CCBE1: variants seen among roughly 807,000 people sequenced by gnomAD.
CCBE1 encodes collagen and calcium-binding EGF domain-containing protein 1.
CCBE1 carries 37 observed loss-of-function variants against 50.0 expected under a neutral mutation model. That is an observed-to-expected ratio of 0.74 (90% CI 0.57 to 0.97). CCBE1 has a LOEUF of 0.97. Among genes scored for constraint, CCBE1 ranks in the 50% least tolerant of loss-of-function variants. The pLI is 0.00. For synonymous variants in CCBE1, 234 were observed against 203.7 expected, an observed-to-expected ratio of 1.15 and a Z score of -1.27; for missense variants, 538 against 523.8, an observed-to-expected ratio of 1.03 and a Z score of -0.26.
At chr18:59,614,972 A>T (rs935508513) in intron 2 of CCBE1, among the ~76,000 whole-genome samples, 1 of 152,274 alleles carries the variant, frequency 6.6e-6, no homozygotes, top group Non-Finnish European at 1.5e-5. Context: ...TGTTCAAGCC[A>T]GAAATTCTGA....
intron 2 of CCBE1, among the ~76,000 whole-genome samples, chr18:59,560,096 G>A (rs1330363351): frequency 6.6e-6 from 1 of 152,238 alleles, no homozygotes; most frequent in African/African-American, 2.4e-5. Context: ...TCTTGCCTGG[G>A]AGTTGGGATG....
Position 59,435,853 on chromosome 18 carries a change from T to C in CCBE1, c.*55A>G. ...TGGTCTTTCTTCTCTTTAGATGGTT[T>C]AACTGCAGGTGAGTTGATCTTTCTC... On this transcript the variant is annotated 3_prime_UTR_variant, in exon 11 of 11. Coordinates refer to ENST00000439986, the MANE Select transcript of CCBE1 (RefSeq NM_133459.4). 1 of 1,473,602 alleles carries C rather than the reference T, an allele frequency of 6.8e-7. No individual in the cohort carries two copies. The highest frequency in any genetic ancestry group is 1.1e-5 in the South Asian group (1 of 88,300). The allele number at this position is 1,473,602 out of a possible 1,614,324, so 91.3% of individuals were successfully genotyped here. A position where few individuals can be genotyped will look rare whatever the true frequency, so the allele number is the denominator to read the frequency against.
At chr18:59,663,831 G>A (rs2144693892) in intron 2 of CCBE1, among the ~76,000 whole-genome samples, 1 of 152,294 alleles carries the variant, frequency 6.6e-6, no homozygotes, top group African/African-American at 2.4e-5. Context: ...AGGCAGGGAA[G>A]AAGCAGATAA....
At chr18:59,627,718 G>A (rs2053804181) in intron 2 of CCBE1, among the ~76,000 whole-genome samples, 1 of 152,186 alleles carries the variant, frequency 6.6e-6, no homozygotes, top group Non-Finnish European at 1.5e-5. Flanking sequence ...CCCAGACGCT[G>A]GAAGCAGCAA....
At chr18:59,503,222 A>C (rs537925552) in intron 2 of CCBE1, among the ~76,000 whole-genome samples, 2 of 152,346 alleles carry the variant, frequency 1.3e-5, no homozygotes, top group South Asian at 4.1e-4. Context: ...TAAGTGTCTT[A>C]GGCAGCGAGC....
At chr18:59,566,674 G>A (rs1252839509) in intron 2 of CCBE1, among the ~76,000 whole-genome samples, 1 of 152,158 alleles carries the variant, frequency 6.6e-6, no homozygotes, top group African/African-American at 2.4e-5. Context: ...AATCTTATCT[G>A]AACATATTAA....
In CCBE1 at chr18:59,533,130, A is replaced by T. The variant is rs538350658; in HGVS notation, c.213-52892T>A. On this transcript the variant is annotated intron_variant, in intron 2 of 10. Coordinates refer to ENST00000439986, the MANE Select transcript of CCBE1 (RefSeq NM_133459.4). ...TCTTGGCTTTTATTTCATTATAGTT[A>T]ATATATGTTCAAACAAAATCTTTAG... is the stretch of plus-strand genomic sequence containing the variant. 1.9e-3 allele frequency among the ~76,000 whole-genome samples: 284 copies of T among 152,338 alleles called. 1 individual carries two copies. Among genetic ancestry groups the T allele is most frequent in the Non-Finnish European group, 3.6e-3 (243 of 68,032 alleles).
At chr18:59,693,124 T>C (rs2054758282) in intron 2 of CCBE1, among the ~76,000 whole-genome samples, 1 of 152,064 alleles carries the variant, frequency 6.6e-6, no homozygotes, top group Non-Finnish European at 1.5e-5. Context: ...TGACTGTACA[T>C]TGTTCTTTTT....
chr18:59,695,331 G>A lies in CCBE1; in HGVS notation c.212+1298C>T, dbSNP rs1002214560. ...CACCACCAGGTCACTTCACCAGCTC[G>A]GTGACCTTGCTCACCCAGTTAGCCT... On this transcript the variant is annotated intron_variant, in intron 2 of 10. Coordinates refer to ENST00000439986, the MANE Select transcript of CCBE1 (RefSeq NM_133459.4). Among the ~76,000 whole-genome samples, 4 of 152,272 alleles carry A rather than the reference G, an allele frequency of 2.6e-5. No individual in the cohort carries two copies. The South Asian group carries it at 8.3e-4, about 32-fold the overall frequency.
At chr18:59,456,271 A>G (rs1185007545) in intron 5 of CCBE1, among the ~76,000 whole-genome samples, 1 of 152,210 alleles carries the variant, frequency 6.6e-6, no homozygotes, top group East Asian at 1.9e-4. Context: ...AATCTTTGGG[A>G]AATGGATCGT....
At chr18:59,622,923 G>GATACT (rs2144609794) in intron 2 of CCBE1, among the ~76,000 whole-genome samples, 1 of 152,004 alleles carries the variant, frequency 6.6e-6, no homozygotes, top group South Asian at 2.1e-4. Context: ...CACTCTGGAT[G>GATACT]ATACTATGAT....
At chr18:59,588,080 A>G (rs2053203559) in intron 2 of CCBE1, among the ~76,000 whole-genome samples, 1 of 152,230 alleles carries the variant, frequency 6.6e-6, no homozygotes, top group Non-Finnish European at 1.5e-5. Context: ...TAAAATCCTA[A>G]TAGATTGTTT....
chr18:59,457,808 A>C (rs1390508723), intron 5 of CCBE1, among the ~76,000 whole-genome samples: 1 of 152,224 alleles, frequency 6.6e-6, no homozygotes, highest in African/African-American at 2.4e-5. Context: ...TCAATGTACC[A>C]ATTTATAATC....
chr18:59,466,913 G>T (rs368483618), intron 4 of CCBE1, 22 bp from the exon 5 acceptor site: 4 of 1,604,626 alleles, frequency 2.5e-6, no homozygotes, highest in Non-Finnish European at 3.4e-6. Context: ...CAAATGTAGA[G>T]AATACTAAGT....
intron 2 of CCBE1, among the ~76,000 whole-genome samples, chr18:59,605,641 T>C (rs2053487879): frequency 6.6e-6 from 1 of 152,120 alleles, no homozygotes; most frequent in Non-Finnish European, 1.5e-5. Context: ...AGGAGCCTCT[T>C]TGACCTCTCA....
chr18:59,477,484 C>G (rs919905371), intron 3 of CCBE1, among the ~76,000 whole-genome samples: 15 of 151,842 alleles, frequency 9.9e-5, no homozygotes, highest in African/African-American at 3.6e-4. Context: ...CAGAAAAAAG[C>G]CCTGTAAATT....
At chr18:59,498,965 C>T (rs950372219) in intron 2 of CCBE1, among the ~76,000 whole-genome samples, 3 of 152,208 alleles carry the variant, frequency 2.0e-5, no homozygotes, top group African/African-American at 7.2e-5. Flanking sequence ...AGTTTTTCCT[C>T]CCTGTCCTGA....
intron 2 of CCBE1, among the ~76,000 whole-genome samples, chr18:59,620,671 T>C (rs988412062): frequency 5.9e-5 from 9 of 152,132 alleles, no homozygotes; most frequent in African/African-American, 2.2e-4. Context: ...TCACAAGATC[T>C]GATGGTTTTA....
chr18:59,447,909 G>A, intron 7 of CCBE1, 74 bp downstream of exon 7: 4 of 1,606,118 alleles, frequency 2.5e-6, no homozygotes, highest in Non-Finnish European at 2.5e-6. Flanking sequence ...CATTGTCCAG[G>A]CCCCAGCAAA....
Sources: gnomAD v4.1 joint callset for allele counts (sites outside exome capture counted in the v4.1 genomes callset) on GRCh38, gnomAD v4.1.1 for gene constraint, MANE v1.5 for transcripts, NCBI Gene and HGNC (gene_info 2026-07-23, HGNC 2026-07-21) for gene names.